Variants in KAT7 observed in about 807,000 individuals in gnomAD.
The protein encoded by KAT7 is lysine acetyltransferase 7.
A neutral mutation model predicts 82.1 loss-of-function variants in KAT7; 10 were observed. The ratio of observed to expected loss-of-function variants is 0.12; its 90% CI spans 0.08 to 0.21. KAT7 has a LOEUF of 0.21. Ranked by LOEUF, KAT7 falls within the 10% of genes least tolerant of loss-of-function variation. The pLI, the probability that KAT7 is intolerant of heterozygous loss-of-function variation, is 1.00. For missense variants in KAT7, 378 were observed against 760.9 expected (o/e 0.50, Z 5.92); for synonymous variants, 250 against 262.5 (o/e 0.95, Z 0.46).
At position 49,830,100 on chromosome 17, in the gene KAT7, A is replaced by G. The variant is rs1398772314; in HGVS notation, c.*2598A>G. On this transcript the variant is annotated 3_prime_UTR_variant, in exon 15 of 15. Coordinates refer to ENST00000259021, the MANE Select transcript of KAT7 (RefSeq NM_007067.5). The stretch of plus-strand genomic sequence containing the variant: ...GTCATGTTGGTCAGGCTGATCTCGA[A>G]CTCCTGACCTCAGGTGATCCGCCCA... The G allele has an allele frequency of 6.7e-6, 1 of 149,150 alleles. No individual in the cohort carries two copies. Among genetic ancestry groups the G allele is most frequent in the Non-Finnish European group, 1.5e-5 (1 of 67,650 alleles). 9.2% of individuals were successfully genotyped at this position (149,150 alleles called of 1,614,324 possible). A position where few individuals can be genotyped will look rare whatever the true frequency, so the allele number is the denominator to read the frequency against.
chr17:49,800,698 A>T (rs2074013765), intron 4 of KAT7, among the ~76,000 whole-genome samples: 1 of 152,182 alleles, frequency 6.6e-6, no homozygotes, highest in Non-Finnish European at 1.5e-5. Context: ...TGTAGCTATG[A>T]ACAAGTCAAA....
chr17:49,818,584 G>T (rs2074262163), intron 9 of KAT7, among the ~76,000 whole-genome samples: 1 of 151,830 alleles, frequency 6.6e-6, no homozygotes, highest in Admixed American at 6.6e-5. Context: ...TGACAAATAG[G>T]TTTACTAGAT....
chr17:49,804,396 A>G (rs2074065455), intron 4 of KAT7, among the ~76,000 whole-genome samples: 1 of 152,124 alleles, frequency 6.6e-6, no homozygotes, highest in Non-Finnish European at 1.5e-5. Flanking sequence ...AAAAAAAGAA[A>G]AATACATGAA....
chr17:49,820,462 A>G (rs1173986724), intron 9 of KAT7, among the ~76,000 whole-genome samples: 1 of 152,106 alleles, frequency 6.6e-6, no homozygotes, highest in Non-Finnish European at 1.5e-5. Flanking sequence ...TATTTTTAGT[A>G]GAGACGGGGT....
Position 49,815,827 on chromosome 17 carries a change from A to G in KAT7, c.877A>G (p.Thr293Ala), listed in dbSNP as rs1243835608. The change falls in exon 8 of 15, where the codon ACA becomes GCA. Residue 293 changes from threonine (T) to alanine (A), a missense_variant. This residue lies in a region of KAT7 where 102 missense variants were observed against 129.8 expected (regional missense o/e 0.79). Transcript: ENST00000259021. ...GGAACACAGACAGACCTATGGGAAC[A>G]CACGGGAACCTCTTTTAGAAAACCT... ...YMEHRQTYGNTREPLLENLTS... is the reference protein window; with the variant it reads ...YMEHRQTYGNAREPLLENLTS... The G allele has an allele frequency of 6.2e-7, 1 of 1,611,782 alleles. No homozygotes were observed. The highest frequency in any genetic ancestry group is 1.7e-5 in the Admixed American group (1 of 60,018).
chr17:49,789,166 G>A, intron 1 of KAT7: 1 of 258,676 alleles, frequency 3.9e-6, no homozygotes. Context: ...CTCCCCGCGT[G>A]CGGGGGCGGT....
At position 49,831,072 on chromosome 17, in the gene KAT7, A is replaced by T. The variant is rs776667211; in HGVS notation, c.*3570A>T. On this transcript the variant is annotated 3_prime_UTR_variant, in exon 15 of 15. Coordinates refer to ENST00000259021, the MANE Select transcript of KAT7 (RefSeq NM_007067.5). The stretch of plus-strand genomic sequence containing the variant: ...CAAGGCGGGCAGATCGCTTGAGTCC[A>T]GGAATTCGAGACTAGCCTGGGCAGC... 2 of 152,332 alleles carry T rather than the reference A, an allele frequency of 1.3e-5. No individual in the cohort carries two copies. The highest frequency in any genetic ancestry group is 6.5e-5 in the Admixed American group (1 of 15,280). The allele number at this position is 152,332 out of a possible 1,614,324, so 9.4% of individuals were successfully genotyped here. A position where few individuals can be genotyped will look rare whatever the true frequency, so the allele number is the denominator to read the frequency against.
chr17:49,816,345 A>G (rs1004731259), intron 8 of KAT7, among the ~76,000 whole-genome samples: 1 of 152,236 alleles, frequency 6.6e-6, no homozygotes, highest in Non-Finnish European at 1.5e-5. Context: ...GGAATAATGG[A>G]AAAGGCTGTT....
At chr17:49,819,742 T>A (rs949128930) in intron 9 of KAT7, among the ~76,000 whole-genome samples, 23 of 152,242 alleles carry the variant, frequency 1.5e-4, no homozygotes, top group African/African-American at 5.5e-4. Context: ...ATGATCTTCC[T>A]TTGGCTTGGC....
chr17:49,824,826 G>C (rs2074349734), intron 12 of KAT7: 1 of 151,834 alleles, frequency 6.6e-6, no homozygotes, highest in Admixed American at 6.6e-5. Context: ...CCATCACCCA[G>C]CTTCAGTAAT....
intron 11 of KAT7, among the ~76,000 whole-genome samples, chr17:49,822,856 C>T (rs545275786): frequency 1.3e-5 from 2 of 152,080 alleles, no homozygotes; most frequent in East Asian, 1.9e-4. Flanking sequence ...TGTTTCCTTC[C>T]CTTCTCTTCC....
intron 4 of KAT7, among the ~76,000 whole-genome samples, chr17:49,801,784 C>T (rs944879845): frequency 2.0e-5 from 3 of 152,180 alleles, no homozygotes; most frequent in Non-Finnish European, 2.9e-5. Context: ...GCCACTGCAC[C>T]GGGCCCCAAA....
At chr17:49,813,000 CTTTTTTTTTTTTTTT>C (rs34339283) in intron 7 of KAT7, among the ~76,000 whole-genome samples, 1 of 102,796 alleles carries the variant, frequency 9.7e-6, no homozygotes, top group Non-Finnish European at 2.0e-5. Flanking sequence ...TGCACCCAGC[CTTTTTTTTTTTTTTT>C]TTTTTTTTTA....
At chr17:49,815,043 T>A (rs1382138153) in intron 7 of KAT7, 2 of 152,250 alleles carry the variant, frequency 1.3e-5, no homozygotes, top group African/African-American at 4.8e-5. Context: ...AGAATCTCTT[T>A]CCTGGAAAGG....
intron 5 of KAT7, among the ~76,000 whole-genome samples, chr17:49,806,087 G>C (rs2074088687): frequency 6.6e-6 from 1 of 152,240 alleles, no homozygotes; most frequent in Non-Finnish European, 1.5e-5. Context: ...GGAAGCAAGA[G>C]TGGAAAATGT....
Position 49,821,689 on chromosome 17 carries a change from C to T in KAT7, c.1285C>T (p.Leu429=). 7 of 1,613,828 alleles carry T rather than the reference C, an allele frequency of 4.3e-6. No homozygotes were observed. Among genetic ancestry groups the T allele is most frequent in the Non-Finnish European group, 5.9e-6 (7 of 1,179,964 alleles). The change falls in exon 11 of 15, where the codon CTG becomes TTG. Residue 429 remains leucine (L), a synonymous_variant. Coordinates refer to ENST00000259021, the MANE Select transcript of KAT7 (RefSeq NM_007067.5). ...CCTGTGCCTGTTGGCCAAACTTTTT[C>T]TGGACCACAAGACATTATATTATGA... ...QNLCLLAKLF[L]DHKTLYYDVE... is the part of the protein sequence containing the mutation.
chr17:49,822,861 T>C (rs2074323069), intron 11 of KAT7, among the ~76,000 whole-genome samples: 1 of 152,196 alleles, frequency 6.6e-6, no homozygotes, highest in Non-Finnish European at 1.5e-5. Context: ...CCTTCCCTTC[T>C]CTTCCAGTAG....
intron 6 of KAT7, among the ~76,000 whole-genome samples, chr17:49,810,927 A>AAT (rs1434795100): frequency 6.6e-6 from 1 of 152,032 alleles, no homozygotes; most frequent in African/African-American, 2.4e-5. Flanking sequence ...TGAGCACAGG[A>AAT]GGTAGAGGTT....
chr17:49,788,922 G>A, intron 1 of KAT7, 73 bp downstream of exon 1: 1 of 1,381,664 alleles, frequency 7.2e-7, no homozygotes, highest in Non-Finnish European at 9.8e-7. Flanking sequence ...AGTTGGCCAC[G>A]CCTCACAGTG....
Sources: gnomAD v4.1 joint callset for allele counts (sites outside exome capture counted in the v4.1 genomes callset) on GRCh38, gnomAD v4.1.1 for gene constraint, gnomAD v4.1.1 regional missense constraint, MANE v1.5 for transcripts, NCBI Gene and HGNC (gene_info 2026-07-23, HGNC 2026-07-21) for gene names.